ADK: variants seen among roughly 807,000 people sequenced by gnomAD.
ADK encodes the protein adenosine kinase.
ADK carries 24 observed loss-of-function variants against 44.7 expected under a neutral mutation model. That is an observed-to-expected ratio of 0.54 (90% CI 0.39 to 0.76). The LOEUF is 0.76. ADK is among the 30% of genes least tolerant of loss of function. ADK has a pLI of 0.00. For missense variants in ADK, 321 were observed against 425.1 expected (o/e 0.76, Z 2.15); for synonymous variants, 128 against 142.6 (o/e 0.90, Z 0.73).
chr10:74,514,123 T>C (rs1848464512), intron 6 of ADK, among the ~76,000 whole-genome samples: 1 of 152,236 alleles, frequency 6.6e-6, no homozygotes, highest in Admixed American at 6.5e-5. Context: ...GTACTTTGAC[T>C]ATATTATCCT....
chr10:74,161,771 T>C (rs750276386), intron 1 of ADK, among the ~76,000 whole-genome samples: 2 of 151,772 alleles, frequency 1.3e-5, no homozygotes, highest in African/African-American at 2.4e-5. Context: ...AGTGGTACAA[T>C]CATGGCTCAC....
At chr10:74,687,481 A>T (rs1480022179) in intron 10 of ADK, among the ~76,000 whole-genome samples, 1 of 152,242 alleles carries the variant, frequency 6.6e-6, no homozygotes, top group East Asian at 1.9e-4. Flanking sequence ...GTTCCATTTA[A>T]TAGTAAAGGT....
rs1564672680 is a variant in ADK at position 74,356,014 on chromosome 10, T to TTG, written c.274-38126_274-38125insGT. On this transcript the variant is annotated intron_variant, in intron 4 of 10. Transcript: ENST00000539909. Reference sequence around the variant, plus strand: ...CACTAAATAATTCATTTTTTTTTTTTTTTTTTTTTTTTTTTGAGACGGAGT... The same window carrying TTG: ...CACTAAATAATTCATTTTTTTTTTTTTGTTTTTTTTTTTTTTTGAGACGGAGT... 4.8e-4 allele frequency among the ~76,000 whole-genome samples: 62 copies of TTG among 128,234 alleles called. 3 individuals are homozygous for TTG. Among genetic ancestry groups the TTG allele is most frequent in the African/African-American group, 7.6e-4 (26 of 34,188 alleles). The allele number at this position is 128,234 out of a possible 152,430, so 84.1% of individuals were successfully genotyped here.
intron 3 of ADK, among the ~76,000 whole-genome samples, chr10:74,263,048 A>G (rs1212857031): frequency 1.3e-5 from 2 of 152,178 alleles, no homozygotes; most frequent in Non-Finnish European, 2.9e-5. Flanking sequence ...CATATGTTAT[A>G]TTGACCTCAT....
intron 4 of ADK, among the ~76,000 whole-genome samples, chr10:74,350,389 C>T (rs527706680): frequency 6.6e-6 from 1 of 151,992 alleles, no homozygotes; most frequent in East Asian, 1.9e-4. Context: ...AGAAAACGTA[C>T]CAAAATCTAG....
At chr10:74,167,521 A>C (rs1387610746) in intron 1 of ADK, among the ~76,000 whole-genome samples, 1 of 152,000 alleles carries the variant, frequency 6.6e-6, no homozygotes, top group Admixed American at 6.6e-5. Context: ...CACTCACCTT[A>C]TGCCTTAGGG....
chr10:74,675,264 T>C (rs1389529882), intron 10 of ADK, among the ~76,000 whole-genome samples: 2 of 152,198 alleles, frequency 1.3e-5, no homozygotes, highest in Non-Finnish European at 2.9e-5. Context: ...TGCCATGTGT[T>C]CCTTTAGCCA....
chr10:74,657,328 A>G (rs921320261), intron 9 of ADK, among the ~76,000 whole-genome samples: 2 of 152,212 alleles, frequency 1.3e-5, no homozygotes, highest in Non-Finnish European at 2.9e-5. Flanking sequence ...TGTTCAGCAC[A>G]GTTAGGTCTG....
rs537036258 is a variant in ADK at position 74,461,515 on chromosome 10, G to T, written c.555+62936G>T. On this transcript the variant is annotated intron_variant, in intron 6 of 10. Transcript: ENST00000539909. ...ATCTCAGTACTAATACTAATATGTT[G>T]TATTTCCACTACAATAGCATTACAT... Among the ~76,000 whole-genome samples, 12 of 152,088 alleles carry T rather than the reference G, an allele frequency of 7.9e-5. No homozygotes were observed. In the South Asian group the frequency reaches 2.5e-3, roughly 32 times the overall value.
chr10:74,319,844 TACAA>T (rs1417897469), intron 4 of ADK, among the ~76,000 whole-genome samples: 2 of 152,346 alleles, frequency 1.3e-5, no homozygotes, highest in Admixed American at 6.5e-5. Context: ...TTCAATAATA[TACAA>T]ACACTCTGCT....
intron 3 of ADK, among the ~76,000 whole-genome samples, chr10:74,249,490 CATGCAT>C (rs1845564279): frequency 1.7e-5 from 2 of 115,328 alleles, no homozygotes; most frequent in Admixed American, 9.4e-5. Context: ...TATGCATGTA[CATGCAT>C]ACACACACAC....
intron 4 of ADK, among the ~76,000 whole-genome samples, chr10:74,367,816 A>G (rs1301774601): frequency 6.6e-6 from 1 of 152,134 alleles, no homozygotes. Flanking sequence ...CATAGTGCAG[A>G]TATGCTGTCT....
intron 9 of ADK, among the ~76,000 whole-genome samples, chr10:74,656,639 A>C (rs1589340703): frequency 6.6e-6 from 1 of 152,026 alleles, no homozygotes; most frequent in Non-Finnish European, 1.5e-5. Context: ...AAACTACCTA[A>C]CCTTTCTGAG....
chr10:74,240,442 A>G (rs1332626558), intron 3 of ADK, among the ~76,000 whole-genome samples: 2 of 150,764 alleles, frequency 1.3e-5, no homozygotes, highest in Non-Finnish European at 3.0e-5. Context: ...CCAGATGCTG[A>G]AATTTTCCCT....
intron 7 of ADK, among the ~76,000 whole-genome samples, chr10:74,577,487 A>G (rs1376253485): frequency 6.6e-6 from 1 of 151,824 alleles, no homozygotes; most frequent in Non-Finnish European, 1.5e-5. Context: ...TTTTCTTTCA[A>G]CTATTGCTAC....
intron 3 of ADK, among the ~76,000 whole-genome samples, chr10:74,265,589 C>T (rs1244861636): frequency 6.8e-6 from 1 of 146,482 alleles, no homozygotes; most frequent in Non-Finnish European, 1.5e-5. Flanking sequence ...GAGAAAAGCG[C>T]AACTTAATTA....
chr10:74,207,630 C>T (rs777781926), intron 2 of ADK, among the ~76,000 whole-genome samples: 1 of 152,184 alleles, frequency 6.6e-6, no homozygotes, highest in African/African-American at 2.4e-5. Context: ...AGTCCCAGGT[C>T]TCTTCTGTAA....
intron 7 of ADK, among the ~76,000 whole-genome samples, chr10:74,529,512 A>G (rs909277892): frequency 6.6e-6 from 1 of 152,202 alleles, no homozygotes; most frequent in African/African-American, 2.4e-5. Context: ...AAATTTTATC[A>G]TATGTATAGT....
intron 9 of ADK, among the ~76,000 whole-genome samples, chr10:74,669,029 C>G (rs1855073525): frequency 1.4e-5 from 2 of 146,944 alleles, no homozygotes; most frequent in South Asian, 4.3e-4. Flanking sequence ...GATGACAGAG[C>G]AAGACCTAAA....
Sources: allele counts gnomAD v4.1 joint callset (sites outside exome capture counted in the v4.1 genomes callset), GRCh38; gene constraint gnomAD v4.1.1; transcripts MANE v1.5; gene names NCBI Gene and HGNC (gene_info 2026-07-23, HGNC 2026-07-21).